Variants in CPXM2 observed in about 807,000 individuals in gnomAD.
CPXM2 encodes inactive carboxypeptidase-like protein X2.
A neutral mutation model predicts 86.1 loss-of-function variants in CPXM2; 66 were observed. The ratio of observed to expected loss-of-function variants is 0.77; its 90% CI spans 0.63 to 0.94. CPXM2 has a LOEUF of 0.94. Among genes scored for constraint, CPXM2 ranks in the 40% least tolerant of loss-of-function variants. The probability of loss-of-function intolerance (pLI) is 0.00; values close to 1 mark genes in which losing one functional copy is unlikely to be tolerated. For synonymous variants in CPXM2, 388 were observed against 400.2 expected (o/e 0.97, Z 0.36); for missense variants, 948 against 1,026.3 (o/e 0.92, Z 1.04).
Position 123,804,165 on chromosome 10 carries a change from T to A in CPXM2, c.654-4966A>T, listed in dbSNP as rs113902087. Among the ~76,000 whole-genome samples the A allele has an allele frequency of 1.2e-3, 189 of 152,354 alleles. 1 individual carries two copies. Among genetic ancestry groups the A allele is most frequent in the African/African-American group, 4.3e-3 (179 of 41,586 alleles). The stretch of plus-strand genomic sequence containing the variant: ...TTAATGTCTATTGTTTTATAATACA[T>A]CCTTATATCTGATAGTATATGTTTT... On this transcript the variant is annotated intron_variant, in intron 4 of 13. Coordinates refer to ENST00000241305, the MANE Select transcript of CPXM2 (RefSeq NM_198148.3).
At chr10:123,909,741 G>A (rs1448846320) in intron 2 of CPXM2, among the ~76,000 whole-genome samples, 3 of 152,166 alleles carry the variant, frequency 2.0e-5, no homozygotes, top group Non-Finnish European at 4.4e-5. Context: ...TAAAATGAAG[G>A]CAGGATAACT....
At chr10:123,869,279 C>T (rs1186335649) in intron 2 of CPXM2, among the ~76,000 whole-genome samples, 1 of 152,160 alleles carries the variant, frequency 6.6e-6, no homozygotes, top group African/African-American at 2.4e-5. Context: ...CGGGCTCCGA[C>T]AATTAATCGC....
intron 6 of CPXM2, among the ~76,000 whole-genome samples, chr10:123,783,627 T>G (rs2134034729): frequency 6.6e-6 from 1 of 152,252 alleles, no homozygotes; most frequent in African/African-American, 2.4e-5. Flanking sequence ...AGCCCTGACC[T>G]CCACACAAAG....
intron 6 of CPXM2, among the ~76,000 whole-genome samples, chr10:123,794,677 T>C (rs1250578017): frequency 6.8e-6 from 1 of 147,174 alleles, no homozygotes; most frequent in East Asian, 1.9e-4. Flanking sequence ...AAGAGGACTT[T>C]CTTTTATTGT....
intron 4 of CPXM2, among the ~76,000 whole-genome samples, chr10:123,836,264 G>A (rs1055581636): frequency 4.0e-5 from 6 of 151,708 alleles, no homozygotes; most frequent in African/African-American, 1.5e-4. Context: ...CTGCCCTGTG[G>A]GGTCCTCAAA....
intron 6 of CPXM2, among the ~76,000 whole-genome samples, chr10:123,783,057 A>G (rs1846970711): frequency 6.6e-6 from 1 of 152,256 alleles, no homozygotes; most frequent in Non-Finnish European, 1.5e-5. Context: ...TGCTATGGCA[A>G]GATCAGGAAG....
intron 13 of CPXM2, among the ~76,000 whole-genome samples, chr10:123,747,748 C>A (rs973841014): frequency 9.9e-5 from 15 of 152,060 alleles, no homozygotes; most frequent in Middle Eastern, 3.4e-3. Flanking sequence ...CACGGTGGTT[C>A]ATGCCTGTAA....
upstream of CPXM2, among the ~76,000 whole-genome samples, chr10:123,942,906 T>C (rs1489131811): frequency 6.6e-6 from 1 of 152,238 alleles, no homozygotes; most frequent in Non-Finnish European, 1.5e-5. Context: ...TACCATATTT[T>C]TACCTTACCC....
chr10:123,850,295 T>C (rs6599627), intron 3 of CPXM2, among the ~76,000 whole-genome samples: 44,193 of 152,124 alleles, frequency 0.29, 7,236 homozygotes, highest in African/African-American at 0.44. Flanking sequence ...GTTAGGTCAA[T>C]GTGCATGAGA....
intron 4 of CPXM2, among the ~76,000 whole-genome samples, chr10:123,823,114 C>T (rs1847964167): frequency 1.3e-5 from 2 of 152,130 alleles, no homozygotes; most frequent in African/African-American, 2.4e-5. Context: ...CATTTTCAGA[C>T]GTTCAAGAAA....
chr10:123,931,775 C>T (rs1007199090), intron 2 of CPXM2, among the ~76,000 whole-genome samples: 1 of 152,098 alleles, frequency 6.6e-6, no homozygotes, highest in Non-Finnish European at 1.5e-5. Flanking sequence ...ACTCTCAGTC[C>T]ACCAATAAAA....
At chr10:123,811,420 T>G (rs1274598186) in intron 4 of CPXM2, among the ~76,000 whole-genome samples, 1 of 152,172 alleles carries the variant, frequency 6.6e-6, no homozygotes, top group Non-Finnish European at 1.5e-5. Context: ...GTCCTTGCAA[T>G]AGTTTGCAGA....
chr10:123,928,429 C>G (rs1302390598), intron 2 of CPXM2, among the ~76,000 whole-genome samples: 1 of 152,240 alleles, frequency 6.6e-6, no homozygotes, highest in East Asian at 1.9e-4. Context: ...TACACCAACA[C>G]ATGTGGCCAC....
intron 2 of CPXM2, among the ~76,000 whole-genome samples, chr10:123,936,016 TCACCACCACCAACACCAGCATCTTCAC>T (rs1945715273): frequency 4.2e-5 from 4 of 94,370 alleles, no homozygotes; most frequent in Admixed American, 1.1e-4. Flanking sequence ...CTTACCATCA[TCACCACCACCAACACCAGCATCTTCAC>T]CATCATCACC....
Position 123,797,892 on chromosome 10 carries a change from T to C in CPXM2, c.889+84A>G, listed in dbSNP as rs574252045. 5.2e-6 allele frequency: 7 copies of C among 1,352,476 alleles called. No homozygotes were observed. In the South Asian group the frequency reaches 1.0e-4, roughly 19 times the overall value. The allele number at this position is 1,352,476 out of a possible 1,614,324, so 83.8% of individuals were successfully genotyped here. A position where few individuals can be genotyped will look rare whatever the true frequency, so the allele number is the denominator to read the frequency against. ...CATGAGCTACTGTGCCTGGTCTGCTTAGTTTATTTTTATTTGTCTTGGCTG... is the reference window on the plus strand; with the variant it reads ...CATGAGCTACTGTGCCTGGTCTGCTCAGTTTATTTTTATTTGTCTTGGCTG... On this transcript the variant is annotated intron_variant, in intron 6 of 13. Coordinates refer to ENST00000241305, the MANE Select transcript of CPXM2 (RefSeq NM_198148.3).
rs1477626468 is a variant in CPXM2 at position 123,798,124 on chromosome 10, T to C, written c.741A>G (p.Ile247Met). ...TCTCCTTCTCACTGTTTCCCTCAAA[T>C]ATCTATTTATGCTCATGGGAGAAAA... ...VTVKNGSGDM[I>M]FEGNSEKEIP... Residue 247 changes from isoleucine to methionine, a missense_variant and splice_region_variant, in exon 6 of 14, where the codon ATA (isoleucine) becomes ATG (methionine). Coordinates refer to ENST00000241305, the MANE Select transcript of CPXM2 (RefSeq NM_198148.3). 1.2e-6 allele frequency: 2 copies of C among 1,601,476 alleles called. No individual in the cohort carries two copies. Among genetic ancestry groups the C allele is most frequent in the Non-Finnish European group, 1.7e-6 (2 of 1,174,528 alleles).
At position 123,798,051 on chromosome 10, in the gene CPXM2, G is replaced by A. The variant is rs146633990; in HGVS notation, c.814C>T (p.Arg272Cys). The A allele has an allele frequency of 1.8e-4, 296 of 1,611,976 alleles. 2 individuals are homozygous for A. In the East Asian group the frequency reaches 3.9e-3, roughly 21 times the overall value. The change falls in exon 6 of 14, where the codon CGC becomes TGC. Residue 272 changes from arginine (R) to cysteine (C), a missense_variant. Transcript: ENST00000241305. ...LPVPMVARYI[R>C]INPQSWFDNG... ...TCAAACCAGGACTGAGGGTTTATGC[G>A]GATGTAGCGGGCCACCATGGGGACG... is the stretch of plus-strand genomic sequence containing the variant.
chr10:123,909,641 C>T (rs1945472474), intron 2 of CPXM2, among the ~76,000 whole-genome samples: 1 of 152,214 alleles, frequency 6.6e-6, no homozygotes, highest in African/African-American at 2.4e-5. Context: ...TCTCCAAATG[C>T]AGAAGTTGAC....
rs367761553 is a variant in CPXM2 at position 123,768,552 on chromosome 10, C to T, written c.1273G>A (p.Asp425Asn). 15 of 1,613,494 alleles carry T rather than the reference C, an allele frequency of 9.3e-6. No individual in the cohort carries two copies. The highest frequency in any genetic ancestry group is 1.7e-5 in the Admixed American group (1 of 59,932). Residue 425 changes from aspartate to asparagine, a missense_variant, in exon 9 of 14, where the codon GAT (aspartate) becomes AAT (asparagine). Physicochemically the swap from Asp to Asn is conservative, Grantham distance 23. Coordinates refer to ENST00000241305, the MANE Select transcript of CPXM2 (RefSeq NM_198148.3). The stretch of plus-strand genomic sequence containing the variant: ...CCTTCGTAGGCCTTCTCGTAGCCAT[C>T]GGGGTTGAGGGAGGGGAGGACGTGA... ...RIHVLPSLNP[D>N]GYEKAYEGGS... is the part of the protein sequence containing the mutation.
Sources: gnomAD v4.1 joint callset for allele counts (sites outside exome capture counted in the v4.1 genomes callset) on GRCh38, gnomAD v4.1.1 for gene constraint, MANE v1.5 for transcripts, NCBI Gene and HGNC (gene_info 2026-07-23, HGNC 2026-07-21) for gene names.